The following SPTA1 variants were observed in gnomAD, a reference collection of about 807,000 sequenced individuals.
SPTA1 encodes the protein spectrin alpha chain, erythrocytic 1.
SPTA1 carries 177 observed loss-of-function variants against 324.7 expected under a neutral mutation model. That is an observed-to-expected ratio of 0.55 (90% confidence interval 0.48 to 0.62). The LOEUF is 0.62. SPTA1 is among the 20% of genes least tolerant of loss of function. SPTA1 has a pLI of 0.00. For synonymous variants in SPTA1, 1,195 were observed against 1,041.3 expected, an observed-to-expected ratio of 1.15 and a Z score of -2.84; for missense variants, 3,162 against 2,883.6, an observed-to-expected ratio of 1.10 and a Z score of -2.21.
Position 158,662,869 on chromosome 1 carries a change from G to A in SPTA1, c.2297C>T (p.Ala766Val). The A allele has an allele frequency of 6.2e-7, 1 of 1,614,064 alleles. No homozygotes were observed. Among genetic ancestry groups the A allele is most frequent in the Non-Finnish European group, 8.5e-7 (1 of 1,179,978 alleles). Residue 766 changes from alanine (A) to valine (V), a missense_variant, in exon 17 of 52, where the codon GCA (alanine) becomes GTA (valine). By Grantham distance (64) the Ala-to-Val change is moderately conservative. Coordinates refer to ENST00000643759, the MANE Select transcript of SPTA1 (RefSeq NM_003126.4). ...IGHPDSKDIRARQESLVCRFE... is the reference protein window; with the variant it reads ...IGHPDSKDIRVRQESLVCRFE... ...TCGGCATACCAAGGACTCTTGCCTT[G>A]CCCTTATATCCTTAGAATCAGGATG...
At chr1:158,644,110 C>A (rs774774253) in intron 30 of SPTA1, 143 bp downstream of exon 30, 51 of 1,136,406 alleles carry the variant, frequency 4.5e-5, no homozygotes, top group South Asian at 7.5e-5. Flanking sequence ...GCACTCCAGC[C>A]TGGGTGACAG....
chr1:158,657,814 C>A (rs1232154388), intron 18 of SPTA1, 120 bp from the exon 19 acceptor site: 6 of 1,050,480 alleles, frequency 5.7e-6, no homozygotes, highest in Non-Finnish European at 8.4e-6. Context: ...ATTTAGTCGA[C>A]GTTATATTTT....
At chr1:158,613,064 T>C in intron 50 of SPTA1, 103 bp from the exon 51 acceptor site, 3 of 1,266,910 alleles carry the variant, frequency 2.4e-6, no homozygotes, top group Non-Finnish European at 2.2e-6. Context: ...AGCCAGATTC[T>C]CCAAGTGCCT....
intron 18 of SPTA1, 76 bp downstream of exon 18, chr1:158,661,211 C>T (rs541394405): frequency 1.9e-6 from 3 of 1,607,910 alleles, no homozygotes; most frequent in African/African-American, 2.7e-5. Flanking sequence ...CCCTTGAAAC[C>T]CTAGGATAGT....
chr1:158,612,896 T>G lies in SPTA1; in HGVS notation c.7055A>C (p.Lys2352Thr). ...FLIDKESENI[K>T]SSDEIENAFQ... ...GGCATTCTCTATTTCATCACTGGAC[T>G]TGATGTTTTCTGACTCCTTGTCAAT... The change falls in exon 51 of 52, where the codon AAG (lysine) becomes ACG (threonine). Residue 2352 changes from lysine (K) to threonine (T), a missense_variant. By Grantham distance (78) the Lys-to-Thr change is moderately conservative. Coordinates refer to ENST00000643759, the MANE Select transcript of SPTA1 (RefSeq NM_003126.4). The G allele has an allele frequency of 6.2e-7, 1 of 1,613,836 alleles. No homozygotes were observed. Among genetic ancestry groups the G allele is most frequent in the Non-Finnish European group, 8.5e-7 (1 of 1,179,770 alleles).
chr1:158,679,365 C>G (rs1654631377), intron 5 of SPTA1, among the ~76,000 whole-genome samples: 1 of 152,126 alleles, frequency 6.6e-6, no homozygotes, highest in South Asian at 2.1e-4. Context: ...CTCATCCCTT[C>G]AAAAGGTAGA....
At chr1:158,613,647 A>C in intron 50 of SPTA1, 74 bp downstream of exon 50, 1 of 1,599,788 alleles carries the variant, frequency 6.3e-7, no homozygotes, top group South Asian at 1.1e-5. Context: ...TGTTTTATGG[A>C]TCATTTTACT....
intron 19 of SPTA1, 124 bp downstream of exon 19, chr1:158,657,353 C>T: frequency 2.0e-6 from 2 of 1,001,110 alleles, no homozygotes; most frequent in Non-Finnish European, 3.1e-6. Context: ...CAACGGCGAC[C>T]ACTCTGGAAA....
chr1:158,674,122 C>A (rs1557985769), intron 10 of SPTA1, among the ~76,000 whole-genome samples: 2 of 152,030 alleles, frequency 1.3e-5, no homozygotes, highest in Non-Finnish European at 2.9e-5. Flanking sequence ...GATTTTGGCA[C>A]CTGAGGGAGG....
At chr1:158,631,157 C>T (rs1357054370) in intron 39 of SPTA1, among the ~76,000 whole-genome samples, 4 of 152,160 alleles carry the variant, frequency 2.6e-5, no homozygotes, top group Non-Finnish European at 5.9e-5. Context: ...AAGACACATG[C>T]ATACTTGTGT....
chr1:158,662,604 G>C lies in SPTA1; in HGVS notation c.2464+98C>G, dbSNP rs1046270239. ...TGAGTGTGAGAAGAAACAGCTAAGA[G>C]CAAGCTTTCTAGACTCCAACTACTG... is the stretch of plus-strand genomic sequence containing the variant. On this transcript the variant is annotated intron_variant, in intron 17 of 51. Transcript: ENST00000643759. 2.6e-6 allele frequency: 4 copies of C among 1,549,034 alleles called. No homozygotes were observed. In the Admixed American group the frequency reaches 5.3e-5, roughly 21 times the overall value.
Position 158,669,322 on chromosome 1 carries a change from C to T in SPTA1, c.1833+86G>A, listed in dbSNP as rs1177733887. ...TATAAAATGAGGATCACCAGCTGAACGCTAAAGTTCATTTTACTCCAAGAC... is the reference window on the plus strand; with the variant it reads ...TATAAAATGAGGATCACCAGCTGAATGCTAAAGTTCATTTTACTCCAAGAC... On this transcript the variant is annotated intron_variant, in intron 14 of 51. Coordinates refer to ENST00000643759, the MANE Select transcript of SPTA1 (RefSeq NM_003126.4). The T allele has an allele frequency of 4.7e-5, 74 of 1,577,742 alleles. 1 individual carries two copies. The highest frequency in any genetic ancestry group is 1.9e-4 in the African/African-American group (14 of 74,150).
chr1:158,667,746 G>A lies in SPTA1; in HGVS notation c.2038+112C>T, dbSNP rs1326126930. The A allele has an allele frequency of 1.6e-5, 18 of 1,140,536 alleles. No individual in the cohort carries two copies. The East Asian group carries it at 4.1e-4, about 26-fold the overall frequency. The allele number at this position is 1,140,536 out of a possible 1,614,324, so 70.7% of individuals were successfully genotyped here. On this transcript the variant is annotated intron_variant, in intron 15 of 51. Transcript: ENST00000643759. ...AAAAGAAAGACACATGGAAGCAAAT[G>A]AGTAGTATACCTTCTCATAGAGGCC...
At chr1:158,619,103 G>A in intron 45 of SPTA1, 119 bp downstream of exon 45, 1 of 997,944 alleles carries the variant, frequency 1.0e-6, no homozygotes, top group Non-Finnish European at 1.6e-6. Flanking sequence ...AAGATATGGG[G>A]ATTTTAGGGC....
At chr1:158,628,419 G>A (rs1650433897) in intron 39 of SPTA1, among the ~76,000 whole-genome samples, 1 of 152,044 alleles carries the variant, frequency 6.6e-6, no homozygotes, top group Non-Finnish European at 1.5e-5. Flanking sequence ...AGTAAGTCAG[G>A]TTAAAGGAAG....
chr1:158,636,472 T>C (rs910516645), intron 37 of SPTA1, among the ~76,000 whole-genome samples, 169 bp downstream of exon 37: 5 of 152,190 alleles, frequency 3.3e-5, no homozygotes, highest in South Asian at 2.1e-4. Context: ...CTTCTACTTA[T>C]AGGAGACTAA....
At chr1:158,654,039 A>G (rs1414284903) in intron 21 of SPTA1, among the ~76,000 whole-genome samples, 1 of 152,236 alleles carries the variant, frequency 6.6e-6, no homozygotes, top group Non-Finnish European at 1.5e-5. Flanking sequence ...TGGAATAACT[A>G]TAGCCCAAAC....
intron 18 of SPTA1, among the ~76,000 whole-genome samples, chr1:158,660,830 A>T (rs559740934): frequency 6.6e-6 from 1 of 152,186 alleles, no homozygotes; most frequent in South Asian, 2.1e-4. Flanking sequence ...GATGAAAAGA[A>T]TGAACAGAGG....
intron 42 of SPTA1, 129 bp downstream of exon 42, chr1:158,626,017 A>G: frequency 1.4e-6 from 1 of 716,100 alleles, no homozygotes; most frequent in Non-Finnish European, 2.4e-6. Context: ...GAAATTATTA[A>G]TATTAAGAAG....
Sources: gnomAD v4.1 joint callset for allele counts (sites outside exome capture counted in the v4.1 genomes callset) on GRCh38, gnomAD v4.1.1 for gene constraint, MANE v1.5 for transcripts, NCBI Gene and HGNC (gene_info 2026-07-23, HGNC 2026-07-21) for gene names.